Variants in SYNPR observed in about 807,000 individuals in gnomAD.
SYNPR encodes synaptoporin.
A neutral mutation model predicts 32.9 loss-of-function variants in SYNPR; 23 were observed. That is an observed-to-expected ratio of 0.70 (90% CI 0.50 to 0.99). SYNPR has a LOEUF of 0.99. SYNPR is among the 50% of genes least tolerant of loss of function. The pLI, the probability that SYNPR is intolerant of heterozygous loss-of-function variation, is 0.00. For synonymous variants in SYNPR, 146 were observed against 135.9 expected (o/e 1.07, Z -0.52); for missense variants, 318 against 349.3 (o/e 0.91, Z 0.71).
chr3:63,335,183 T>C (rs2087274316), intron 2 of SYNPR, among the ~76,000 whole-genome samples: 1 of 151,912 alleles, frequency 6.6e-6, no homozygotes, highest in Non-Finnish European at 1.5e-5. Context: ...TGAAACCTCG[T>C]CTCTACTGAA....
intron 2 of SYNPR, among the ~76,000 whole-genome samples, chr3:63,447,846 A>G (rs1024876344): frequency 3.3e-5 from 5 of 152,044 alleles, no homozygotes; most frequent in Non-Finnish European, 7.4e-5. Flanking sequence ...AAGCTTACTC[A>G]CAACACAGGC....
intron 2 of SYNPR, among the ~76,000 whole-genome samples, chr3:63,313,539 A>G (rs933097053): frequency 6.7e-6 from 1 of 150,046 alleles, no homozygotes; most frequent in African/African-American, 2.5e-5. Context: ...AATGCTGTTA[A>G]TTCATTCCTT....
intron 4 of SYNPR, among the ~76,000 whole-genome samples, chr3:63,595,939 ATATATATAGTTT>A (rs1559546717): frequency 2.3e-5 from 3 of 128,398 alleles, no homozygotes; most frequent in African/African-American, 8.6e-5. Flanking sequence ...ATATAGTTTT[ATATATATAGTTT>A]TATATATATA....
intron 2 of SYNPR, among the ~76,000 whole-genome samples, chr3:63,360,424 G>C (rs1056108233): frequency 1.3e-5 from 2 of 152,156 alleles, no homozygotes; most frequent in Non-Finnish European, 2.9e-5. Context: ...TCTCAAAGCT[G>C]TGCTGCACAT....
At chr3:63,533,852 C>T (rs769228038) in intron 3 of SYNPR, among the ~76,000 whole-genome samples, 1 of 152,072 alleles carries the variant, frequency 6.6e-6, no homozygotes, top group Non-Finnish European at 1.5e-5. Context: ...GCAGTCTCTC[C>T]AAGAGATGTG....
chr3:63,443,511 T>C (rs1288366493), intron 2 of SYNPR: 2 of 1,593,862 alleles, frequency 1.3e-6, no homozygotes, highest in South Asian at 1.1e-5. Context: ...GCTGTGGGGA[T>C]ATGTGTGTGC....
At chr3:63,500,396 G>A (rs186727178) in intron 3 of SYNPR, among the ~76,000 whole-genome samples, 7 of 151,980 alleles carry the variant, frequency 4.6e-5, no homozygotes, top group East Asian at 1.9e-4. Flanking sequence ...CTCCCTCACC[G>A]AGCAATTGTG....
intron 2 of SYNPR, among the ~76,000 whole-genome samples, chr3:63,294,515 T>A (rs1417040290): frequency 2.0e-5 from 3 of 152,234 alleles, no homozygotes; most frequent in Non-Finnish European, 4.4e-5. Context: ...AAACTCATGA[T>A]GCTGTTCACG....
At chr3:63,261,711 TATA>T (rs60616720) in intron 2 of SYNPR, among the ~76,000 whole-genome samples, 101,044 of 145,420 alleles carry the variant, frequency 0.69, 35,393 homozygotes, top group Admixed American at 0.74. Flanking sequence ...AAACTTAAAG[TATA>T]ATAATAATAA....
intron 2 of SYNPR, among the ~76,000 whole-genome samples, chr3:63,384,313 G>C (rs2088013208): frequency 6.6e-6 from 1 of 152,174 alleles, no homozygotes; most frequent in Non-Finnish European, 1.5e-5. Context: ...AACATTCTTA[G>C]AGGTTTTTTA....
intron 2 of SYNPR, among the ~76,000 whole-genome samples, chr3:63,297,500 T>C (rs1019763096): frequency 4.6e-5 from 7 of 152,206 alleles, no homozygotes; most frequent in Admixed American, 3.9e-4. Context: ...AAAATAGTTA[T>C]GTTTTAATAA....
chr3:63,221,868 A>G, the SYNPR span, among the ~76,000 whole-genome samples: 5,074 of 152,182 alleles, frequency 0.033, 286 homozygotes, highest in African/African-American at 0.11. Flanking sequence ...AGGGATAACT[A>G]AATTAAATAT....
chr3:63,325,542 T>A (rs1290940026), intron 2 of SYNPR, among the ~76,000 whole-genome samples: 1 of 152,098 alleles, frequency 6.6e-6, no homozygotes, highest in Non-Finnish European at 1.5e-5. Context: ...GCCAACCTGG[T>A]GACAGTAGGG....
Position 63,278,486 on chromosome 3 carries a change from C to T in SYNPR, c.-48C>T. The T allele has an allele frequency of 6.5e-7, 1 of 1,536,224 alleles. No individual in the cohort carries two copies. Among genetic ancestry groups the T allele is most frequent in the Non-Finnish European group, 8.8e-7 (1 of 1,139,042 alleles). ...GAGGACGGTGGTGCCAAGCGAACTT[C>T]ATTTTTAAAAAGAACTGGTGGATGA... On this transcript the variant is annotated 5_prime_UTR_variant, in exon 1 of 6. Coordinates refer to ENST00000478300, the MANE Select transcript of SYNPR (RefSeq NM_001130003.2).
intron 2 of SYNPR, among the ~76,000 whole-genome samples, chr3:63,326,143 T>C (rs1297554731): frequency 6.6e-6 from 1 of 152,052 alleles, no homozygotes; most frequent in Non-Finnish European, 1.5e-5. Flanking sequence ...CATGATCTTA[T>C]TTGATCTTCA....
the SYNPR span, among the ~76,000 whole-genome samples, chr3:63,203,906 G>A: frequency 6.6e-6 from 1 of 152,166 alleles, no homozygotes; most frequent in African/African-American, 2.4e-5. Flanking sequence ...GGCTGAGGCA[G>A]GATAATTGCT....
At chr3:63,266,166 T>C (rs530900001) in intron 2 of SYNPR, among the ~76,000 whole-genome samples, 9 of 152,168 alleles carry the variant, frequency 5.9e-5, no homozygotes, top group African/African-American at 2.2e-4. Context: ...CAAACCAAAG[T>C]GTGCACATGT....
chr3:63,322,638 G>C (rs1214931536), intron 2 of SYNPR, among the ~76,000 whole-genome samples: 1 of 152,076 alleles, frequency 6.6e-6, no homozygotes, highest in African/African-American at 2.4e-5. Flanking sequence ...AGGTGGTCCT[G>C]TCCCCATTCT....
At chr3:63,302,468 A>T (rs1560184885) in intron 2 of SYNPR, among the ~76,000 whole-genome samples, 3 of 152,114 alleles carry the variant, frequency 2.0e-5, no homozygotes, top group African/African-American at 7.2e-5. Flanking sequence ...CACATGGATT[A>T]TAAGTTGCAG....
Sources: gnomAD v4.1 joint callset for allele counts (sites outside exome capture counted in the v4.1 genomes callset) on GRCh38, gnomAD v4.1.1 for gene constraint, MANE v1.5 for transcripts, NCBI Gene and HGNC (gene_info 2026-07-23, HGNC 2026-07-21) for gene names.